Variants in ENG observed in about 807,000 individuals in gnomAD.
ENG encodes the protein endoglin.
ENG carries 17 observed loss-of-function variants against 71.0 expected under a neutral mutation model. That is an observed-to-expected ratio of 0.24 (90% CI 0.16 to 0.36). ENG has a LOEUF of 0.36. Ranked by LOEUF, ENG falls within the 10% of genes least tolerant of loss-of-function variation. The pLI is 1.00. For synonymous variants in ENG, 360 were observed against 366.9 expected (o/e 0.98, Z 0.21); for missense variants, 749 against 868.3 (o/e 0.86, Z 1.73).
In ENG at chr9:127,825,731, G is replaced by A. The variant is rs1435676276; in HGVS notation, c.653C>T (p.Ala218Val). 14 of 1,597,808 alleles carry A rather than the reference G, an allele frequency of 8.8e-6. No individual in the cohort carries two copies. The highest frequency in any genetic ancestry group is 1.3e-5 in the African/African-American group (1 of 74,678). ...GCCCGGCAGGACCCTCAGGATGTGC[G>A]CCTCCTTGTGGCCGGCCACGCCTTC... ...HLEGVAGHKEAHILRVLPGHS... is the reference protein window; with the variant it reads ...HLEGVAGHKEVHILRVLPGHS... The change falls in exon 5 of 15, where the codon GCG (alanine) becomes GTG (valine). Residue 218 changes from alanine to valine, a missense_variant. Coordinates refer to ENST00000373203, the MANE Select transcript of ENG (RefSeq NM_001114753.3).
At chr9:127,823,341 A>G (rs1830515784) in intron 8 of ENG, among the ~76,000 whole-genome samples, 1 of 149,834 alleles carries the variant, frequency 6.7e-6, no homozygotes, top group Admixed American at 6.7e-5. Context: ...TGTTATTTTT[A>G]TAACAAATAT....
chr9:127,842,720 G>A (rs1831068212), intron 2 of ENG, among the ~76,000 whole-genome samples: 1 of 152,162 alleles, frequency 6.6e-6, no homozygotes, highest in Non-Finnish European at 1.5e-5. Flanking sequence ...ACTGTGGCTG[G>A]CCCAAGAAGC....
chr9:127,844,022 C>T (rs1181779105), intron 1 of ENG, among the ~76,000 whole-genome samples: 13 of 150,072 alleles, frequency 8.7e-5, no homozygotes, highest in Admixed American at 1.3e-4. Context: ...CTGCCCACTT[C>T]GGCCTCCCAA....
At chr9:127,815,836 G>A (rs1830296186) in intron 14 of ENG, 30 bp from the exon 15 acceptor site, 2 of 1,549,058 alleles carry the variant, frequency 1.3e-6, no homozygotes, top group Non-Finnish European at 1.7e-6. Context: ...CAGGGGCGGA[G>A]GTCAGGGTCC....
rs1323149703 is a variant in ENG at position 127,826,576 on chromosome 9, T to A, written c.457A>T (p.Arg153Trp). The change falls in exon 4 of 15, where the codon AGG becomes TGG. Residue 153 changes from arginine to tryptophan, a missense_variant. Coordinates refer to ENST00000373203, the MANE Select transcript of ENG (RefSeq NM_001114753.3). The stretch of plus-strand genomic sequence containing the variant: ...TCAGCAGCAGAGGTGATGGGGCCCC[T>A]CTCAGCTGCCCACTCAAGGATCTGG... ...KTQILEWAAE[R>W]GPITSAAELN... is the part of the protein sequence containing the mutation. 2.5e-6 allele frequency: 4 copies of A among 1,614,056 alleles called. No homozygotes were observed. The highest frequency in any genetic ancestry group is 3.4e-6 in the Non-Finnish European group (4 of 1,179,986).
At chr9:127,824,512 CTTTTTTTTTTTTTTTT>C (rs71380096) in intron 7 of ENG, 66 bp from the exon 8 acceptor site, 5 of 685,796 alleles carry the variant, frequency 7.3e-6, no homozygotes, top group Non-Finnish European at 9.6e-6. Flanking sequence ...CCGCACCAGG[CTTTTTTTTTTTTTTTT>C]TTTTTTTTGA....
intron 2 of ENG, among the ~76,000 whole-genome samples, chr9:127,830,582 G>A (rs1381270884): frequency 1.3e-5 from 2 of 151,970 alleles, no homozygotes; most frequent in East Asian, 1.9e-4. Flanking sequence ...AGGAGGTAGA[G>A]GTTGCAGTGA....
chr9:127,826,501 G>A lies in ENG; in HGVS notation c.523+9C>T. The A allele has an allele frequency of 6.2e-7, 1 of 1,614,018 alleles. No homozygotes were observed. The highest frequency in any genetic ancestry group is 1.1e-5 in the South Asian group (1 of 91,076). ...TCATGAGCCCAGAGAGGTTGCTGGG[G>A]AAACTGACCTTGGCCCAGTCGGAGG... On this transcript the variant is annotated intron_variant, in intron 4 of 14. Coordinates refer to ENST00000373203, the MANE Select transcript of ENG (RefSeq NM_001114753.3).
chr9:127,815,909 C>A (rs779115954), intron 14 of ENG, 34 bp downstream of exon 14: 3 of 1,579,078 alleles, frequency 1.9e-6, no homozygotes, highest in Middle Eastern at 3.5e-4. Context: ...TGGAGGGGCC[C>A]GGCATGCTCA....
intron 2 of ENG, chr9:127,832,737 G>A (rs1373689979): frequency 2.0e-5 from 3 of 152,036 alleles, no homozygotes; most frequent in Non-Finnish European, 4.4e-5. Context: ...TTTCATTTTA[G>A]TGTGCCATTT....
At chr9:127,826,443 G>C in intron 4 of ENG, 67 bp downstream of exon 4, 1 of 1,600,778 alleles carries the variant, frequency 6.2e-7, no homozygotes, top group Admixed American at 1.7e-5. Context: ...TTGAGGTGTG[G>C]GCCAGAGGAG....
chr9:127,825,208 C>G (rs143537662), intron 6 of ENG, 23 bp downstream of exon 6: 6 of 1,613,024 alleles, frequency 3.7e-6, no homozygotes, highest in African/African-American at 1.3e-5. Context: ...GGTTTTGTGT[C>G]CCGGGAGCTG....
intron 2 of ENG, among the ~76,000 whole-genome samples, chr9:127,833,522 C>CAAAA (rs57982372): frequency 4.4e-4 from 29 of 66,664 alleles, no homozygotes; most frequent in Non-Finnish European, 5.2e-4. Context: ...AACTCCGCCT[C>CAAAA]AAAAAAAAAA....
intron 3 of ENG, among the ~76,000 whole-genome samples, chr9:127,828,958 T>C (rs1014116586): frequency 2.6e-5 from 4 of 152,044 alleles, no homozygotes; most frequent in African/African-American, 9.7e-5. Context: ...CTCCCAGACA[T>C]TCCTCATGGA....
chr9:127,817,386 A>G, intron 12 of ENG, 183 bp from the exon 13 acceptor site: 1 of 677,288 alleles, frequency 1.5e-6, no homozygotes, highest in East Asian at 2.8e-5. Flanking sequence ...TGCCTAGTGG[A>G]CGATCCCTGG....
In ENG at chr9:127,838,485, C is replaced by G. The variant is rs1259410281; in HGVS notation, c.219+4609G>C. Among the ~76,000 whole-genome samples, 1 of 152,156 alleles carries G rather than the reference C, an allele frequency of 6.6e-6. No individual in the cohort carries two copies. Among genetic ancestry groups the G allele is most frequent in the Non-Finnish European group, 1.5e-5 (1 of 68,014 alleles). ...GAGCTAAGGTCCCTCCCGGCTCTCTCTCTCTGCCTGAGTGGTGTTGCCTGC... is the reference window on the plus strand; with the variant it reads ...GAGCTAAGGTCCCTCCCGGCTCTCTGTCTCTGCCTGAGTGGTGTTGCCTGC... On this transcript the variant is annotated intron_variant, in intron 2 of 14. Transcript: ENST00000373203. This position sits in a 1 kb window ranked among gnomAD's most constrained non-coding sequence, Gnocchi z 4.3.
chr9:127,843,716 T>C (rs1443303759), intron 1 of ENG, among the ~76,000 whole-genome samples: 1 of 127,342 alleles, frequency 7.9e-6, no homozygotes, highest in Non-Finnish European at 1.6e-5. Context: ...TATACATATA[T>C]ACACCCACAC....
chr9:127,826,546 T>A lies in ENG; in HGVS notation c.487A>T (p.Asn163Tyr), dbSNP rs539165395. Residue 163 changes from asparagine to tyrosine, a missense_variant, in exon 4 of 15, where the codon AAT (asparagine) becomes TAT (tyrosine). Asn to Tyr is a moderately radical substitution (Grantham distance 143). Coordinates refer to ENST00000373203, the MANE Select transcript of ENG (RefSeq NM_001114753.3). Reference sequence around the variant, plus strand: ...CGGAGGAGGATGCTCTGGGGGTCATTCAGCTCAGCAGCAGAGGTGATGGGG... The same window carrying A: ...CGGAGGAGGATGCTCTGGGGGTCATACAGCTCAGCAGCAGAGGTGATGGGG... ...RGPITSAAEL[N>Y]DPQSILLRLG... is the part of the protein sequence containing the mutation. 2 of 1,614,078 alleles carry A rather than the reference T, an allele frequency of 1.2e-6. No individual in the cohort carries two copies. The highest frequency in any genetic ancestry group is 3.3e-5 in the Admixed American group (2 of 60,022).
intron 1 of ENG, 52 bp downstream of exon 1, chr9:127,854,237 G>A: frequency 6.5e-7 from 1 of 1,533,864 alleles, no homozygotes; most frequent in South Asian, 1.2e-5. Context: ...CTTGGGGCCT[G>A]GTCCGTGCAC....
Sources: gnomAD v4.1 joint callset for allele counts (sites outside exome capture counted in the v4.1 genomes callset) on GRCh38, gnomAD v4.1.1 for gene constraint, Gnocchi (gnomAD v3.1) non-coding constraint, MANE v1.5 for transcripts, NCBI Gene and HGNC (gene_info 2026-07-23, HGNC 2026-07-21) for gene names.